The following FAM193A variants were observed in gnomAD, a reference collection of about 807,000 sequenced individuals.
The protein encoded by FAM193A is family with sequence similarity 193 member A.
Under a neutral mutation model 126.5 loss-of-function variants are expected in FAM193A, and 22 were observed. The observed-to-expected ratio is 0.17, with a 90% CI of 0.12 to 0.25. The LOEUF (loss-of-function observed/expected upper bound fraction) is 0.25. FAM193A is among the 10% of genes least tolerant of loss of function. FAM193A has a pLI of 1.00. For synonymous variants in FAM193A, 761 were observed against 646.8 expected, an observed-to-expected ratio of 1.18 and a Z score of -2.68; for missense variants, 1,675 against 1,672.8, an observed-to-expected ratio of 1.00 and a Z score of -0.02.
At chr4:2,639,695 C>A in intron 5 of FAM193A, 40 bp from the exon 6 acceptor site, 1 of 1,574,242 alleles carries the variant, frequency 6.4e-7, no homozygotes, top group Non-Finnish European at 8.7e-7. Flanking sequence ...TTTAGCAATT[C>A]ACTACATCTT....
chr4:2,581,262 T>C (rs1739918705), intron 1 of FAM193A, among the ~76,000 whole-genome samples: 1 of 150,598 alleles, frequency 6.6e-6, no homozygotes, highest in Non-Finnish European at 1.5e-5. Context: ...TTTCTTTTTT[T>C]TTTTTTTTGG....
chr4:2,539,490 A>G (rs769997114), intron 1 of FAM193A, among the ~76,000 whole-genome samples: 1 of 151,878 alleles, frequency 6.6e-6, no homozygotes, highest in African/African-American at 2.4e-5. Context: ...GCCTGGTCAT[A>G]GCTCACTGTA....
chr4:2,559,623 T>C (rs1738478374), intron 1 of FAM193A, among the ~76,000 whole-genome samples: 1 of 152,132 alleles, frequency 6.6e-6, no homozygotes, highest in South Asian at 2.1e-4. Context: ...TCTTCCTTAC[T>C]CTCGCCGTAG....
intron 15 of FAM193A, among the ~76,000 whole-genome samples, chr4:2,693,152 G>A (rs1390294522): frequency 6.6e-6 from 1 of 152,080 alleles, no homozygotes; most frequent in African/African-American, 2.4e-5. Context: ...CCGCGTAGCT[G>A]GGACTACAGG....
intron 7 of FAM193A, among the ~76,000 whole-genome samples, chr4:2,651,321 ACT>A (rs1302150935): frequency 1.4e-4 from 21 of 151,518 alleles, no homozygotes; most frequent in African/African-American, 5.1e-4. Context: ...CAAGAGTGAA[ACT>A]CTGTCTCAAA....
intron 1 of FAM193A, among the ~76,000 whole-genome samples, chr4:2,580,592 A>G (rs926305972): frequency 2.0e-5 from 3 of 152,184 alleles, no homozygotes; most frequent in Non-Finnish European, 2.9e-5. Context: ...TGTCCTCCCC[A>G]TGGTAATGAA....
At chr4:2,702,857 T>G (rs1381601491) in intron 19 of FAM193A, among the ~76,000 whole-genome samples, 2 of 152,176 alleles carry the variant, frequency 1.3e-5, no homozygotes, top group African/African-American at 2.4e-5. Context: ...AATTTACAAA[T>G]GACTTAAATT....
At chr4:2,651,096 C>A (rs1745618665) in intron 7 of FAM193A, among the ~76,000 whole-genome samples, 1 of 152,130 alleles carries the variant, frequency 6.6e-6, no homozygotes, top group Non-Finnish European at 1.5e-5. Context: ...TTAGGGAGGC[C>A]AAGGTGGGCG....
intron 4 of FAM193A, among the ~76,000 whole-genome samples, chr4:2,627,945 T>C (rs1435265282): frequency 1.3e-5 from 2 of 152,076 alleles, no homozygotes; most frequent in Non-Finnish European, 2.9e-5. Flanking sequence ...GGTTTCACCA[T>C]GTTAGCCAGG....
chr4:2,601,267 CTG>C (rs1741181688), intron 2 of FAM193A, among the ~76,000 whole-genome samples: 1 of 119,898 alleles, frequency 8.3e-6, no homozygotes, highest in South Asian at 2.7e-4. Context: ...GAGTTTCTCT[CTG>C]TCGCCCAGGC....
chr4:2,723,604 C>CT (rs749640636), intron 20 of FAM193A, among the ~76,000 whole-genome samples: 36 of 151,758 alleles, frequency 2.4e-4, no homozygotes, highest in Non-Finnish European at 4.7e-4. Context: ...GTAAAAAAGA[C>CT]TAATTTAGAA....
chr4:2,660,109 G>C lies in FAM193A; in HGVS notation c.1745+55G>C. 13 of 1,566,764 alleles carry C rather than the reference G, an allele frequency of 8.3e-6. No homozygotes were observed. The South Asian group carries it at 1.5e-4, about 18-fold the overall frequency. On this transcript the variant is annotated intron_variant, in intron 10 of 20. Transcript: ENST00000637812. ...GAAATTTAAGTCGCCCCAGTAATGA[G>C]AAATACATACAGTAATGTCCACAGA...
chr4:2,705,087 T>C (rs995399744), intron 19 of FAM193A, among the ~76,000 whole-genome samples: 11 of 152,148 alleles, frequency 7.2e-5, no homozygotes, highest in Non-Finnish European at 1.3e-4. Flanking sequence ...AATTTTTATA[T>C]CTTTAGTAGA....
At chr4:2,702,233 C>CACT (rs969685689) in intron 19 of FAM193A, among the ~76,000 whole-genome samples, 7 of 152,232 alleles carry the variant, frequency 4.6e-5, no homozygotes, top group Non-Finnish European at 1.0e-4. Context: ...CTTTTACGAA[C>CACT]ACTCTTTATG....
At chr4:2,636,059 T>G (rs1484485884) in intron 5 of FAM193A, among the ~76,000 whole-genome samples, 1 of 151,082 alleles carries the variant, frequency 6.6e-6, no homozygotes, top group Non-Finnish European at 1.5e-5. Flanking sequence ...TCTTTTTGTG[T>G]TTTTTTTGAG....
intron 2 of FAM193A, among the ~76,000 whole-genome samples, chr4:2,613,315 G>T (rs1741986891): frequency 1.3e-5 from 2 of 149,232 alleles, no homozygotes; most frequent in South Asian, 2.1e-4. Flanking sequence ...ATATTTTCTT[G>T]CTATTTTAAA....
chr4:2,728,863 C>T (rs1333114119), intron 20 of FAM193A, among the ~76,000 whole-genome samples: 1 of 149,458 alleles, frequency 6.7e-6, no homozygotes, highest in Non-Finnish European at 1.5e-5. Flanking sequence ...TTACCCTAGA[C>T]CTCTAATAAG....
intron 1 of FAM193A, among the ~76,000 whole-genome samples, chr4:2,563,289 C>G (rs2108843560): frequency 6.6e-6 from 1 of 152,274 alleles, no homozygotes; most frequent in Middle Eastern, 3.4e-3. Flanking sequence ...TGTTCTGAGG[C>G]AAGAGAGACA....
In FAM193A at chr4:2,616,661, G is replaced by A. The variant is rs1481887961; in HGVS notation, c.502-8601G>A. On this transcript the variant is annotated intron_variant, in intron 2 of 20. Coordinates refer to ENST00000637812, the MANE Select transcript of FAM193A (RefSeq NM_001366318.2). ...TGCAAGCTCCACCTTCCAGGTTCAC[G>A]CCATTCTCCCACCTCAGCCTCCCAA... Among the ~76,000 whole-genome samples the A allele has an allele frequency of 5.3e-5, 8 of 151,752 alleles. No individual in the cohort carries two copies. In the South Asian group the frequency reaches 6.2e-4, roughly 12 times the overall value.
Sources: allele counts gnomAD v4.1 joint callset (sites outside exome capture counted in the v4.1 genomes callset), GRCh38; gene constraint gnomAD v4.1.1; transcripts MANE v1.5; gene names NCBI Gene and HGNC (gene_info 2026-07-23, HGNC 2026-07-21).